Variants in MARK1 observed in about 807,000 individuals in gnomAD.
The protein encoded by MARK1 is microtubule affinity regulating kinase 1, also known as serine/threonine-protein kinase MARK1.
In MARK1, 40 loss-of-function variants were observed where a neutral mutation model predicts 96.3. The observed-to-expected ratio is 0.42, with a 90% CI of 0.32 to 0.54. The LOEUF (loss-of-function observed/expected upper bound fraction) is 0.54, where lower values mean the gene tolerates loss of function less well. Among genes scored for constraint, MARK1 ranks in the 20% least tolerant of loss-of-function variants. The pLI is 0.16. For missense variants in MARK1, 719 were observed against 984.6 expected, an observed-to-expected ratio of 0.73 and a Z score of 3.61; for synonymous variants, 317 against 341.2, an observed-to-expected ratio of 0.93 and a Z score of 0.78.
intron 11 of MARK1, 50 bp downstream of exon 11, chr1:220,632,363 A>C (rs756134456): frequency 4.1e-6 from 3 of 737,438 alleles, no homozygotes; most frequent in Non-Finnish European, 6.7e-6. Flanking sequence ...TTGAGCTAAT[A>C]TATTAGTTAA....
chr1:220,618,449 A>G lies in MARK1; in HGVS notation c.692A>G (p.Lys231Arg). ...GCTGCTCCCGAGCTTTTCCAAGGAA[A>G]GAAGTATGATGGGCCTGAAGTGGAT... Reference protein sequence around the residue: ...PYAAPELFQGKKYDGPEVDVW... With the variant: ...PYAAPELFQGRKYDGPEVDVW... The change falls in exon 8 of 18, where the codon AAG becomes AGG. Residue 231 changes from lysine to arginine, a missense_variant. Transcript: ENST00000366917. This position sits in a 1 kb window ranked among gnomAD's most constrained non-coding sequence, Gnocchi z 4.6. 1.2e-6 allele frequency: 2 copies of G among 1,614,176 alleles called. No homozygotes were observed. The highest frequency in any genetic ancestry group is 1.7e-6 in the Non-Finnish European group (2 of 1,180,032).
rs572856737 is a variant in MARK1 at position 220,642,939 on chromosome 1, C to G, written c.1470+6913C>G. On this transcript the variant is annotated intron_variant, in intron 13 of 17. Transcript: ENST00000366917. ...TACATCAAAAAAGACCCCACAAAAA[C>G]CCCATCCAAAGGTCAACAGCCTCAA... Among the ~76,000 whole-genome samples, 32 of 152,282 alleles carry G rather than the reference C, an allele frequency of 2.1e-4. 1 individual carries two copies. The highest frequency in any genetic ancestry group is 7.7e-4 in the African/African-American group (32 of 41,566).
chr1:220,621,692 G>T (rs1198217986), intron 9 of MARK1, among the ~76,000 whole-genome samples: 3 of 151,852 alleles, frequency 2.0e-5, no homozygotes, highest in South Asian at 4.2e-4. Context: ...TAAAAAAAAT[G>T]GAACATCATG....
intron 17 of MARK1, among the ~76,000 whole-genome samples, chr1:220,658,563 A>C (rs2103071689): frequency 6.6e-6 from 1 of 152,362 alleles, no homozygotes; most frequent in South Asian, 2.1e-4. Flanking sequence ...TAAGAAATGA[A>C]GACATTAATT....
chr1:220,572,305 G>A (rs112196113), intron 1 of MARK1, among the ~76,000 whole-genome samples: 186 of 152,104 alleles, frequency 1.2e-3, no homozygotes, highest in African/African-American at 4.2e-3. Flanking sequence ...ACAATGGTGC[G>A]ATCTCTGCTC....
intron 1 of MARK1, among the ~76,000 whole-genome samples, chr1:220,554,557 T>G (rs1223154627): frequency 6.6e-6 from 1 of 152,188 alleles, no homozygotes; most frequent in Non-Finnish European, 1.5e-5. Context: ...AATTATGACA[T>G]AAGGGTAGAG....
chr1:220,653,854 G>A (rs144698114), intron 16 of MARK1, among the ~76,000 whole-genome samples: 1 of 152,220 alleles, frequency 6.6e-6, no homozygotes, highest in East Asian at 1.9e-4. Flanking sequence ...ATGAATACAT[G>A]TATAGTAAAG....
chr1:220,601,037 C>G lies in MARK1; in HGVS notation c.424+1174C>G, dbSNP rs185838233. On this transcript the variant is annotated intron_variant, in intron 5 of 17. Transcript: ENST00000366917. ...GGTTCACTCCATTCTGCTGCCCCAG[C>G]CTCCCGAGTAGCTGGGACTACAGGT... is the stretch of plus-strand genomic sequence containing the variant. Among the ~76,000 whole-genome samples the G allele has an allele frequency of 3.3e-5, 5 of 152,124 alleles. No homozygotes were observed. In the East Asian group the frequency reaches 9.7e-4, roughly 29 times the overall value.
At chr1:220,548,862 C>G (rs774321252) in intron 1 of MARK1, among the ~76,000 whole-genome samples, 5 of 152,128 alleles carry the variant, frequency 3.3e-5, no homozygotes, top group Non-Finnish European at 5.9e-5. Context: ...AGTGAAAGAA[C>G]TAGGAAGTTT....
intron 13 of MARK1, among the ~76,000 whole-genome samples, chr1:220,638,561 T>C (rs773563265): frequency 1.9e-4 from 29 of 152,206 alleles, no homozygotes; most frequent in Admixed American, 1.2e-3. Context: ...ACACAGCAGC[T>C]TTCTCAGAGT....
chr1:220,626,162 A>G, intron 9 of MARK1: 1 of 596,976 alleles, frequency 1.7e-6, no homozygotes, highest in Admixed American at 2.0e-5. Flanking sequence ...AACCATGCCA[A>G]GAAGCCTGAG....
At chr1:220,606,407 G>T (rs1418833924) in intron 6 of MARK1, among the ~76,000 whole-genome samples, 1 of 152,046 alleles carries the variant, frequency 6.6e-6, no homozygotes, top group Non-Finnish European at 1.5e-5. Flanking sequence ...TGAGTTCTTT[G>T]TAGGTTCTGG....
At chr1:220,552,692 G>A (rs1389734540) in intron 1 of MARK1, among the ~76,000 whole-genome samples, 4 of 152,198 alleles carry the variant, frequency 2.6e-5, no homozygotes, top group African/African-American at 7.2e-5. Flanking sequence ...TGAAGGTTTT[G>A]TCATAGCATT....
intron 13 of MARK1, among the ~76,000 whole-genome samples, chr1:220,642,015 G>A (rs1369362352): frequency 6.6e-6 from 1 of 152,234 alleles, no homozygotes; most frequent in African/African-American, 2.4e-5. Context: ...GCAGCCGTTT[G>A]GACAGGCACT....
intron 1 of MARK1, among the ~76,000 whole-genome samples, chr1:220,565,594 A>C (rs188038141): frequency 1.3e-5 from 2 of 152,206 alleles, no homozygotes; most frequent in East Asian, 1.9e-4. Flanking sequence ...TTGGAGCAAC[A>C]AAATATAACT....
chr1:220,554,012 T>C (rs1341734198), intron 1 of MARK1, among the ~76,000 whole-genome samples: 1 of 152,186 alleles, frequency 6.6e-6, no homozygotes, highest in Admixed American at 6.5e-5. Flanking sequence ...ATATATTACT[T>C]TCACTACTGA....
chr1:220,554,666 T>C (rs946761052), intron 1 of MARK1, among the ~76,000 whole-genome samples: 2 of 152,206 alleles, frequency 1.3e-5, no homozygotes, highest in Admixed American at 6.5e-5. Context: ...TTGCAGTTCA[T>C]CAGTCACACA....
intron 17 of MARK1, among the ~76,000 whole-genome samples, chr1:220,658,174 A>C (rs556550338): frequency 2.1e-4 from 32 of 152,360 alleles, no homozygotes; most frequent in African/African-American, 7.7e-4. Flanking sequence ...CAAATAGCAC[A>C]AATAACACAG....
chr1:220,538,033 T>C (rs1660848671), intron 1 of MARK1, among the ~76,000 whole-genome samples: 1 of 152,142 alleles, frequency 6.6e-6, no homozygotes, highest in Non-Finnish European at 1.5e-5. Flanking sequence ...AGGTTACCTG[T>C]TTACTCTGAT....
Sources: gnomAD v4.1 joint callset for allele counts (sites outside exome capture counted in the v4.1 genomes callset) on GRCh38, gnomAD v4.1.1 for gene constraint, Gnocchi (gnomAD v3.1) non-coding constraint, MANE v1.5 for transcripts, NCBI Gene and HGNC (gene_info 2026-07-23, HGNC 2026-07-21) for gene names.